WDR72: variants seen among roughly 807,000 people sequenced by gnomAD.
WDR72 encodes the protein WD repeat domain 72.
Under a neutral mutation model 124.2 loss-of-function variants are expected in WDR72, and 120 were observed. The observed-to-expected ratio is 0.97, with a 90% CI of 0.83 to 1.12. The LOEUF is 1.12. Among genes scored for constraint, WDR72 ranks in the 50% most tolerant of loss-of-function variants. The probability of loss-of-function intolerance (pLI) is 0.00; values close to 1 mark genes in which losing one functional copy is unlikely to be tolerated. For synonymous variants in WDR72, 452 were observed against 441.7 expected, an observed-to-expected ratio of 1.02 and a Z score of -0.29; for missense variants, 1,387 against 1,278.8, an observed-to-expected ratio of 1.08 and a Z score of -1.29.
At chr15:53,690,088 G>C (rs1448105737) in intron 13 of WDR72, among the ~76,000 whole-genome samples, 2 of 112,014 alleles carry the variant, frequency 1.8e-5, no homozygotes, top group Admixed American at 1.1e-4. Flanking sequence ...AGGGGGGAGG[G>C]ATAGCACTGG....
Position 53,733,023 on chromosome 15 carries a change from G to C in WDR72, c.127C>G (p.Leu43Val). The C allele has an allele frequency of 6.2e-7, 1 of 1,614,084 alleles. No homozygotes were observed. The highest frequency in any genetic ancestry group is 1.3e-5 in the African/African-American group (1 of 75,024). Residue 43 changes from leucine (L) to valine (V), a missense_variant, in exon 2 of 20, where the codon CTC (leucine) becomes GTC (valine). Coordinates refer to ENST00000360509, the MANE Select transcript of WDR72 (RefSeq NM_182758.4). Reference protein sequence around the residue: ...VTGSQEGQLCLWNLSHELKIS... With the variant: ...VTGSQEGQLCVWNLSHELKIS... ...TTTAGTTCATGTGAGAGATTCCAGA[G>C]ACAGAGCTGACCCTCTTGACTTCCA...
rs2017711675 is a variant in WDR72 at position 53,716,501 on chromosome 15, C to A, written c.339+106G>T. On this transcript the variant is annotated intron_variant, in intron 4 of 19. Coordinates refer to ENST00000360509, the MANE Select transcript of WDR72 (RefSeq NM_182758.4). ...TGACCCTCATGACAAAATAAAAATT[C>A]AAGCAAAGAATATTCTCCAAAGATG... 4 of 842,922 alleles carry A rather than the reference C, an allele frequency of 4.7e-6. No individual in the cohort carries two copies. The South Asian group carries it at 5.5e-5, about 12-fold the overall frequency. 52.2% of individuals were successfully genotyped at this position (842,922 alleles called of 1,614,324 possible). A position where few individuals can be genotyped will look rare whatever the true frequency, so the allele number is the denominator to read the frequency against.
chr15:53,670,593 T>A (rs2015952140), intron 13 of WDR72, among the ~76,000 whole-genome samples: 1 of 152,188 alleles, frequency 6.6e-6, no homozygotes, highest in African/African-American at 2.4e-5. Context: ...CATCAGACTG[T>A]CCTGTAGTTA....
intron 4 of WDR72, among the ~76,000 whole-genome samples, chr15:53,715,807 C>A (rs531049375): frequency 7.2e-5 from 11 of 152,260 alleles, no homozygotes; most frequent in African/African-American, 2.6e-4. Flanking sequence ...CAGAGCAAGA[C>A]CCTGTCTCTT....
chr15:53,735,485 T>C (rs1392478075), intron 1 of WDR72, among the ~76,000 whole-genome samples: 1 of 152,206 alleles, frequency 6.6e-6, no homozygotes, highest in East Asian at 1.9e-4. Flanking sequence ...TTCATTATTT[T>C]AATTATGGTA....
intron 18 of WDR72, among the ~76,000 whole-genome samples, chr15:53,573,087 T>C (rs1028980603): frequency 3.3e-5 from 5 of 152,154 alleles, no homozygotes; most frequent in Non-Finnish European, 5.9e-5. Flanking sequence ...GCCATTCAAC[T>C]CTGATAGCAA....
chr15:53,632,055 G>A (rs1438717220), intron 14 of WDR72, among the ~76,000 whole-genome samples: 1 of 152,170 alleles, frequency 6.6e-6, no homozygotes, highest in African/African-American at 2.4e-5. Flanking sequence ...GAGGAGGCAA[G>A]TACTAATAAC....
chr15:53,523,599 A>T (rs1029434187), intron 18 of WDR72, among the ~76,000 whole-genome samples: 1 of 152,082 alleles, frequency 6.6e-6, no homozygotes, highest in Non-Finnish European at 1.5e-5. Context: ...ATCTCTTCGA[A>T]GTAGAAATCG....
intron 3 of WDR72, among the ~76,000 whole-genome samples, chr15:53,719,461 T>G (rs28588188): frequency 0.059 from 8,952 of 152,228 alleles, 889 homozygotes; most frequent in African/African-American, 0.21. Flanking sequence ...TTACTTCAGC[T>G]CTATATTTCT....
At chr15:53,619,825 T>C (rs73408262) in intron 14 of WDR72, among the ~76,000 whole-genome samples, 19,220 of 152,108 alleles carry the variant, frequency 0.13, 2,742 homozygotes, top group African/African-American at 0.35. Flanking sequence ...AATTTCTTGT[T>C]AATTCTAATA....
At chr15:53,753,636 C>T (rs73412191) in intron 1 of WDR72, among the ~76,000 whole-genome samples, 9,235 of 152,246 alleles carry the variant, frequency 0.061, 973 homozygotes, top group African/African-American at 0.21. Flanking sequence ...TATCTCACCA[C>T]TTGATTATTC....
chr15:53,517,039 T>A lies in WDR72; in HGVS notation c.*660A>T, dbSNP rs1380643171. The A allele has an allele frequency of 6.6e-6, 1 of 152,482 alleles. No individual in the cohort carries two copies. The highest frequency in any genetic ancestry group is 2.4e-5 in the African/African-American group (1 of 41,450). The allele number at this position is 152,482 out of a possible 1,614,324, so 9.4% of individuals were successfully genotyped here. A position where few individuals can be genotyped will look rare whatever the true frequency, so the allele number is the denominator to read the frequency against. On this transcript the variant is annotated 3_prime_UTR_variant, in exon 20 of 20. Coordinates refer to ENST00000360509, the MANE Select transcript of WDR72 (RefSeq NM_182758.4). ...CAAGATCAACCTTGAGCTAAAGACA[T>A]TAGCCTCAATGTCATTAGAAGTTCA...
At chr15:53,539,854 T>C (rs536760412) in intron 18 of WDR72, among the ~76,000 whole-genome samples, 1 of 152,144 alleles carries the variant, frequency 6.6e-6, no homozygotes, top group African/African-American at 2.4e-5. Context: ...GAGATTAAGA[T>C]TGACTAACAA....
intron 19 of WDR72, among the ~76,000 whole-genome samples, chr15:53,520,131 A>T (rs1353238083): frequency 1.3e-5 from 2 of 152,126 alleles, no homozygotes; most frequent in East Asian, 3.9e-4. Context: ...ATATAAAACC[A>T]GAAGAGTTTA....
chr15:53,751,773 C>T (rs1165996579), intron 1 of WDR72, among the ~76,000 whole-genome samples: 2 of 152,098 alleles, frequency 1.3e-5, no homozygotes, highest in Non-Finnish European at 2.9e-5. Context: ...ACAGCATGTA[C>T]CGGTGGGTCA....
chr15:53,698,753 T>C (rs776221016), intron 13 of WDR72, among the ~76,000 whole-genome samples: 3 of 152,186 alleles, frequency 2.0e-5, no homozygotes, highest in Non-Finnish European at 2.9e-5. Context: ...CACTTATTAG[T>C]TGTACAGTCT....
intron 18 of WDR72, among the ~76,000 whole-genome samples, chr15:53,577,814 A>C (rs2011693986): frequency 6.6e-6 from 1 of 152,180 alleles, no homozygotes; most frequent in Non-Finnish European, 1.5e-5. Context: ...TTTAGGTTTT[A>C]GATAACTAGG....
intron 14 of WDR72, among the ~76,000 whole-genome samples, chr15:53,626,974 G>A (rs997266940): frequency 5.9e-5 from 9 of 152,138 alleles, no homozygotes; most frequent in Admixed American, 4.6e-4. Context: ...ACAAAGTTAG[G>A]AAATATAGGC....
At chr15:53,643,216 T>C (rs2014917722) in intron 14 of WDR72, among the ~76,000 whole-genome samples, 1 of 152,182 alleles carries the variant, frequency 6.6e-6, no homozygotes, top group Admixed American at 6.6e-5. Context: ...TGAAAACTGA[T>C]ACAGATATTG....
Sources: allele counts gnomAD v4.1 joint callset (sites outside exome capture counted in the v4.1 genomes callset), GRCh38; gene constraint gnomAD v4.1.1; transcripts MANE v1.5; gene names NCBI Gene and HGNC (gene_info 2026-07-23, HGNC 2026-07-21).